Variants in CTCF observed in about 807,000 individuals in gnomAD.
CTCF encodes CCCTC-binding factor, also known as transcriptional repressor CTCF.
CTCF carries 7 observed loss-of-function variants against 72.3 expected under a neutral mutation model. The observed-to-expected ratio is 0.10, with a 90% CI of 0.06 to 0.18. CTCF has a LOEUF of 0.18. CTCF is among the 10% of genes least tolerant of loss of function. The pLI, the probability that CTCF is intolerant of heterozygous loss-of-function variation, is 1.00. For synonymous variants in CTCF, 374 were observed against 315.8 expected (o/e 1.18, Z -1.95); for missense variants, 516 against 949.1 (o/e 0.54, Z 6.00).
intron 2 of CTCF, among the ~76,000 whole-genome samples, chr16:67,576,772 C>T (rs1261747631): frequency 2.0e-5 from 3 of 151,864 alleles, no homozygotes; most frequent in Non-Finnish European, 4.4e-5. Context: ...CCTCGTAATC[C>T]GCCTGCCTCT....
intron 4 of CTCF, among the ~76,000 whole-genome samples, chr16:67,612,654 C>T (rs553881434): frequency 2.1e-4 from 32 of 151,722 alleles, no homozygotes; most frequent in African/African-American, 4.8e-4. Flanking sequence ...AAAAAGTGGC[C>T]GGGTACAGTG....
At chr16:67,628,763 C>T (rs1007169653) in intron 9 of CTCF, among the ~76,000 whole-genome samples, 4 of 152,140 alleles carry the variant, frequency 2.6e-5, no homozygotes, top group Non-Finnish European at 5.9e-5. Flanking sequence ...AGATTGATTG[C>T]ATAAAGAAAT....
At chr16:67,569,728 C>T (rs2051387820) in intron 1 of CTCF, among the ~76,000 whole-genome samples, 1 of 151,716 alleles carries the variant, frequency 6.6e-6, no homozygotes, top group Non-Finnish European at 1.5e-5. Context: ...CTCTGTCGCC[C>T]AGGCTGGAGT....
intron 1 of CTCF, among the ~76,000 whole-genome samples, chr16:67,570,383 AATT>A (rs2051400265): frequency 6.9e-6 from 1 of 145,148 alleles, no homozygotes; most frequent in South Asian, 2.2e-4. Context: ...CCCAGCCAAT[AATT>A]AATTTTTTGG....
At chr16:67,620,603 G>T (rs755740948) in intron 5 of CTCF, 94 bp from the exon 6 acceptor site, 33 of 1,033,912 alleles carry the variant, frequency 3.2e-5, no homozygotes, top group Non-Finnish European at 4.1e-5. Context: ...CTGAACTTCA[G>T]TGCCCCAAAG....
intron 1 of CTCF, among the ~76,000 whole-genome samples, chr16:67,567,717 A>G (rs563245075): frequency 6.6e-6 from 1 of 151,684 alleles, no homozygotes; most frequent in South Asian, 2.1e-4. Context: ...CAGCCTCCCA[A>G]GTAGCTGGTA....
intron 2 of CTCF, among the ~76,000 whole-genome samples, chr16:67,577,595 G>A (rs969383929): frequency 1.3e-5 from 2 of 151,128 alleles, no homozygotes; most frequent in African/African-American, 2.4e-5. Flanking sequence ...CTGCCACCAC[G>A]CCTGCCTAAT....
At position 67,583,398 on chromosome 16, in the gene CTCF, T is replaced by A. The variant is rs1415271200; in HGVS notation, c.-10+12134T>A. On this transcript the variant is annotated intron_variant, in intron 2 of 11. Transcript: ENST00000264010. ...CTGAGGGTTTTTGAGGAAAAGAGTA[T>A]ATATCTAGCCAGGCGCGGTGGCTCA... is the stretch of plus-strand genomic sequence containing the variant. Among the ~76,000 whole-genome samples, 42 of 151,920 alleles carry A rather than the reference T, an allele frequency of 2.8e-4. 1 individual carries two copies. The highest frequency in any genetic ancestry group is 2.7e-3 in the Admixed American group (41 of 15,232).
intron 2 of CTCF, among the ~76,000 whole-genome samples, chr16:67,582,826 A>T (rs968099357): frequency 2.6e-5 from 4 of 151,722 alleles, no homozygotes; most frequent in Non-Finnish European, 5.9e-5. Flanking sequence ...TAAGTGGTAG[A>T]TATTTGCTGG....
intron 11 of CTCF, among the ~76,000 whole-genome samples, chr16:67,637,323 G>C (rs2052444007): frequency 6.6e-6 from 1 of 152,208 alleles, no homozygotes; most frequent in African/African-American, 2.4e-5. Context: ...CCTGAGGTCA[G>C]TAGTTCCATA....
At chr16:67,602,998 A>T (rs1220238610) in intron 2 of CTCF, among the ~76,000 whole-genome samples, 1 of 152,174 alleles carries the variant, frequency 6.6e-6, no homozygotes, top group Non-Finnish European at 1.5e-5. Context: ...CATACTTTGA[A>T]TAACAAGTAC....
intron 10 of CTCF, among the ~76,000 whole-genome samples, chr16:67,631,930 C>T (rs1040753937): frequency 2.0e-5 from 3 of 151,626 alleles, no homozygotes; most frequent in Non-Finnish European, 2.9e-5. Context: ...CAAAAATCAG[C>T]AGGGGGTTGT....
rs775896161 is a variant in CTCF, at chr16:67,610,950, T to G, written c.118T>G (p.Leu40Val). ...EGGQEEDACHLPQNQTDGGEV... is the reference protein window; with the variant it reads ...EGGQEEDACHVPQNQTDGGEV... ...GGGCCAGGAAGAAGATGCCTGCCAC[T>G]TACCCCAGAACCAGACGGATGGGGG... The change falls in exon 3 of 12, where the codon TTA (leucine) becomes GTA (valine). Residue 40 changes from leucine (L) to valine (V), a missense_variant. By Grantham distance (32) the Leu-to-Val change is conservative. Coordinates refer to ENST00000264010, the MANE Select transcript of CTCF (RefSeq NM_006565.4). The G allele has an allele frequency of 6.4e-6, 10 of 1,571,040 alleles. No homozygotes were observed. The highest frequency in any genetic ancestry group is 7.8e-6 in the Non-Finnish European group (9 of 1,154,372).
At position 67,611,114 on chromosome 16, in the gene CTCF, G is replaced by A; in HGVS notation, c.282G>A (p.Gln94=). 1 of 1,614,186 alleles carries A rather than the reference G, an allele frequency of 6.2e-7. No homozygotes were observed. Among genetic ancestry groups the A allele is most frequent in the Non-Finnish European group, 8.5e-7 (1 of 1,180,042 alleles). The change falls in exon 3 of 12, where the codon CAG becomes CAA. Residue 94 remains glutamine (Q), a synonymous_variant. Coordinates refer to ENST00000264010, the MANE Select transcript of CTCF (RefSeq NM_006565.4). The part of the protein sequence containing the change: ...PEAEAAVDDT[Q]IITLQVVNME... ...CAGAGGCTGCTGTGGACGATACCCA[G>A]ATTATAACTTTACAGGTTGTAAATA...
intron 2 of CTCF, among the ~76,000 whole-genome samples, chr16:67,592,781 C>G (rs1014259343): frequency 6.6e-6 from 1 of 151,062 alleles, no homozygotes; most frequent in Non-Finnish European, 1.5e-5. Flanking sequence ...AATCTCAGCA[C>G]TTTGGGAGGC....
intron 2 of CTCF, among the ~76,000 whole-genome samples, chr16:67,587,537 T>C (rs2051684489): frequency 6.6e-6 from 1 of 152,072 alleles, no homozygotes. Flanking sequence ...AGGGTTTTTT[T>C]TTTTTCTTTT....
intron 2 of CTCF, among the ~76,000 whole-genome samples, chr16:67,573,123 G>A (rs1027295706): frequency 2.6e-5 from 4 of 151,850 alleles, no homozygotes; most frequent in African/African-American, 4.8e-5. Flanking sequence ...GTAGTGGCGG[G>A]AACCTGTAAT....
chr16:67,614,045 C>T (rs371475776), intron 4 of CTCF, among the ~76,000 whole-genome samples: 1 of 152,062 alleles, frequency 6.6e-6, no homozygotes, highest in African/African-American at 2.4e-5. Flanking sequence ...GCGCCTTTGC[C>T]TCTGTTACGA....
At chr16:67,613,779 A>T (rs772472989) in intron 4 of CTCF, among the ~76,000 whole-genome samples, 1 of 152,102 alleles carries the variant, frequency 6.6e-6, no homozygotes, top group Non-Finnish European at 1.5e-5. Flanking sequence ...CTGCCTCACC[A>T]AAATAAATAA....
Sources: gnomAD v4.1 joint callset for allele counts (sites outside exome capture counted in the v4.1 genomes callset) on GRCh38, gnomAD v4.1.1 for gene constraint, MANE v1.5 for transcripts, NCBI Gene and HGNC (gene_info 2026-07-23, HGNC 2026-07-21) for gene names.